NLN: variants seen among roughly 807,000 people sequenced by gnomAD.
NLN encodes neurolysin, mitochondrial.
A neutral mutation model predicts 79.9 loss-of-function variants in NLN; 64 were observed. The ratio of observed to expected loss-of-function variants is 0.80; its 90% CI spans 0.65 to 0.99. The LOEUF is 0.99. NLN is among the 50% of genes least tolerant of loss of function. The pLI, the probability that NLN is intolerant of heterozygous loss-of-function variation, is 0.00. For missense variants in NLN, 835 were observed against 858.7 expected (o/e 0.97, Z 0.34); for synonymous variants, 267 against 296.6 (o/e 0.90, Z 1.02).
intron 3 of NLN, 60 bp downstream of exon 3, chr5:65,763,168 CA>C: frequency 1.4e-6 from 2 of 1,441,788 alleles, no homozygotes; most frequent in Admixed American, 3.8e-5. Context: ...AAAGAACATT[CA>C]GTCATAAATA....
chr5:65,774,603 A>G (rs371608873), intron 3 of NLN, among the ~76,000 whole-genome samples: 1 of 151,998 alleles, frequency 6.6e-6, no homozygotes. Flanking sequence ...ATTTCCCAAG[A>G]CCTGTGTCTG....
At chr5:65,739,456 T>C (rs1310718540) in intron 1 of NLN, among the ~76,000 whole-genome samples, 3 of 152,228 alleles carry the variant, frequency 2.0e-5, no homozygotes, top group Non-Finnish European at 4.4e-5. Flanking sequence ...TTGTCTATTG[T>C]GAATAATATA....
chr5:65,787,869 G>C (rs112208378), intron 7 of NLN, among the ~76,000 whole-genome samples: 2,522 of 152,298 alleles, frequency 0.017, 73 homozygotes, highest in African/African-American at 0.057. Context: ...TCATGGCCCA[G>C]TTCTGGGGGT....
At chr5:65,750,770 A>T (rs1254681704) in intron 1 of NLN, among the ~76,000 whole-genome samples, 2 of 152,112 alleles carry the variant, frequency 1.3e-5, no homozygotes, top group Non-Finnish European at 2.9e-5. Flanking sequence ...AAAGAGAAAT[A>T]AGGAAAGAAG....
chr5:65,810,126 A>G lies in NLN; in HGVS notation c.1804A>G (p.Lys602Glu), dbSNP rs761055973. The change falls in exon 11 of 13, where the codon AAA becomes GAA. Residue 602 changes from lysine (K) to glutamate (E), a missense_variant. Transcript: ENST00000380985. ...TSLDAASEYA[K>E]YCSEILGVAA... ...GCTGGATGCTGCAAGTGAATATGCC[A>G]AATACTGCTCAGAAATATTAGGAGT... 2.4e-5 allele frequency: 38 copies of G among 1,613,810 alleles called. No homozygotes were observed. Among genetic ancestry groups the G allele is most frequent in the Non-Finnish European group, 3.1e-5 (37 of 1,179,784 alleles).
At chr5:65,768,705 A>C (rs533993019) in intron 3 of NLN, among the ~76,000 whole-genome samples, 1 of 152,324 alleles carries the variant, frequency 6.6e-6, no homozygotes, top group East Asian at 1.9e-4. Context: ...CCTGGCTTGC[A>C]AATGGCCCCT....
chr5:65,790,788 C>T (rs1259342289), intron 8 of NLN, among the ~76,000 whole-genome samples: 1 of 151,984 alleles, frequency 6.6e-6, no homozygotes, highest in Non-Finnish European at 1.5e-5. Flanking sequence ...TAAAAAGTAT[C>T]AGGATATAGT....
intron 1 of NLN, among the ~76,000 whole-genome samples, chr5:65,752,100 G>A (rs1309124392): frequency 6.6e-6 from 1 of 152,012 alleles, no homozygotes; most frequent in East Asian, 1.9e-4. Flanking sequence ...AATTAGCCAG[G>A]TGTCATGCAC....
chr5:65,774,752 T>G (rs1759644489), intron 3 of NLN, among the ~76,000 whole-genome samples: 1 of 149,402 alleles, frequency 6.7e-6, no homozygotes, highest in Admixed American at 6.7e-5. Context: ...TTTGAGACAG[T>G]TTTACTCCGT....
chr5:65,809,088 G>A (rs1474271185), intron 9 of NLN: 1 of 159,306 alleles, frequency 6.3e-6, no homozygotes, highest in Admixed American at 6.1e-5. Context: ...CCCCAGAAAG[G>A]CATGGATTGA....
Position 65,825,599 on chromosome 5 carries a change from T to G in NLN, c.*2684T>G, listed in dbSNP as rs750069145. The G allele has an allele frequency of 3.9e-5, 6 of 152,194 alleles. No individual in the cohort carries two copies. The highest frequency in any genetic ancestry group is 7.3e-5 in the Non-Finnish European group (5 of 68,038). 9.4% of individuals were successfully genotyped at this position (152,194 alleles called of 1,614,324 possible). On this transcript the variant is annotated 3_prime_UTR_variant, in exon 13 of 13. Transcript: ENST00000380985. ...TGTTACCTAGATAAACAACTAAAAA[T>G]TGCCTTGAGTTATCACCTGAGCTAC...
At chr5:65,760,981 C>A (rs889680058) in intron 2 of NLN, among the ~76,000 whole-genome samples, 1 of 152,106 alleles carries the variant, frequency 6.6e-6, no homozygotes, top group Non-Finnish European at 1.5e-5. Context: ...GAATAGATTT[C>A]TTAAAAACTA....
chr5:65,816,126 G>C (rs2121175), intron 12 of NLN, among the ~76,000 whole-genome samples: 83,997 of 151,896 alleles, frequency 0.55, 23,431 homozygotes, highest in Non-Finnish European at 0.59. Context: ...AGAAGGCAGA[G>C]GTTGCAGTGA....
At chr5:65,735,419 G>A (rs1329669953) in intron 1 of NLN, among the ~76,000 whole-genome samples, 1 of 151,942 alleles carries the variant, frequency 6.6e-6, no homozygotes, top group African/African-American at 2.4e-5. Context: ...TTGCTTTTTT[G>A]CCATTGTTCT....
At chr5:65,811,155 T>C (rs1362051659) in intron 11 of NLN, among the ~76,000 whole-genome samples, 2 of 152,192 alleles carry the variant, frequency 1.3e-5, no homozygotes, top group Non-Finnish European at 2.9e-5. Flanking sequence ...TGCTTTTATA[T>C]GTAGTTGGTA....
At chr5:65,733,895 T>A (rs1208170023) in intron 1 of NLN, among the ~76,000 whole-genome samples, 2 of 134,182 alleles carry the variant, frequency 1.5e-5, no homozygotes, top group Non-Finnish European at 3.3e-5. Context: ...AATTTTGTAT[T>A]TTTTTTTCTT....
At chr5:65,821,156 C>T (rs1454351518) in intron 12 of NLN, among the ~76,000 whole-genome samples, 1 of 151,980 alleles carries the variant, frequency 6.6e-6, no homozygotes, top group Non-Finnish European at 1.5e-5. Flanking sequence ...TTCAAGCCCT[C>T]GTCGTCAGGT....
At chr5:65,725,096 C>T (rs1210954910) in intron 1 of NLN, among the ~76,000 whole-genome samples, 2 of 152,092 alleles carry the variant, frequency 1.3e-5, no homozygotes, top group African/African-American at 4.8e-5. Flanking sequence ...TGAGCCACTG[C>T]GCCCGGCAGA....
At chr5:65,745,247 A>T (rs1758951642) in intron 1 of NLN, among the ~76,000 whole-genome samples, 1 of 152,330 alleles carries the variant, frequency 6.6e-6, no homozygotes, top group East Asian at 1.9e-4. Flanking sequence ...CATGTGATGT[A>T]AGCATGTATG....
Sources: allele counts gnomAD v4.1 joint callset (sites outside exome capture counted in the v4.1 genomes callset), GRCh38; gene constraint gnomAD v4.1.1; transcripts MANE v1.5; gene names NCBI Gene and HGNC (gene_info 2026-07-23, HGNC 2026-07-21).